Variants in CDH18 observed in about 807,000 individuals in gnomAD.
CDH18 encodes cadherin-18.
A neutral mutation model predicts 67.9 loss-of-function variants in CDH18; 31 were observed. The observed-to-expected ratio is 0.46, with a 90% CI of 0.34 to 0.62. CDH18 has a LOEUF of 0.62. CDH18 is among the 20% of genes least tolerant of loss of function. The pLI is 0.01. For synonymous variants in CDH18, 362 were observed against 347.2 expected, an observed-to-expected ratio of 1.04 and a Z score of -0.48; for missense variants, 890 against 975.5, an observed-to-expected ratio of 0.91 and a Z score of 1.17.
chr5:19,920,071 T>C (rs576913067), intron 2 of CDH18, among the ~76,000 whole-genome samples: 2 of 152,166 alleles, frequency 1.3e-5, no homozygotes, highest in East Asian at 3.9e-4. Context: ...CATGTTAAAG[T>C]AATAGCAGAC....
intron 5 of CDH18, among the ~76,000 whole-genome samples, chr5:19,691,669 C>T (rs987843232): frequency 2.6e-5 from 4 of 151,578 alleles, no homozygotes; most frequent in African/African-American, 2.4e-5. Flanking sequence ...TAAATTTAAC[C>T]AAAGAGGTGA....
intron 8 of CDH18, among the ~76,000 whole-genome samples, chr5:19,566,673 A>G (rs2149910855): frequency 6.6e-6 from 1 of 152,284 alleles, no homozygotes; most frequent in South Asian, 2.1e-4. Flanking sequence ...CCAGGTCCCT[A>G]TCACAACACG....
At chr5:20,514,426 G>A (rs1356896482) in intron 1 of CDH18, among the ~76,000 whole-genome samples, 3 of 152,098 alleles carry the variant, frequency 2.0e-5, no homozygotes, top group Non-Finnish European at 4.4e-5. Context: ...CCAATGTCAA[G>A]CTTGGTCGTC....
intron 5 of CDH18, among the ~76,000 whole-genome samples, chr5:19,638,678 T>C (rs1444558140): frequency 1.3e-5 from 2 of 151,680 alleles, no homozygotes; most frequent in Non-Finnish European, 2.9e-5. Context: ...AAAAAAATTA[T>C]CCAGCCATCC....
At chr5:20,456,431 C>T (rs890014966) in intron 1 of CDH18, among the ~76,000 whole-genome samples, 5 of 152,002 alleles carry the variant, frequency 3.3e-5, no homozygotes, top group African/African-American at 1.2e-4. Flanking sequence ...TATTTTCATG[C>T]TTTCCATGGC....
At chr5:20,478,436 G>C (rs1752579096) in intron 1 of CDH18, among the ~76,000 whole-genome samples, 2 of 152,164 alleles carry the variant, frequency 1.3e-5, no homozygotes, top group African/African-American at 4.8e-5. Context: ...GAGCCCTTGG[G>C]CCTTGAGTGA....
intron 2 of CDH18, among the ~76,000 whole-genome samples, chr5:19,864,766 G>A (rs554844390): frequency 6.6e-6 from 1 of 152,178 alleles, no homozygotes; most frequent in African/African-American, 2.4e-5. Context: ...TGTAATCCAA[G>A]CAGCATCTTT....
At chr5:20,115,270 CTTTTTTTTTTTT>C (rs753438800) in intron 2 of CDH18, among the ~76,000 whole-genome samples, 3 of 58,138 alleles carry the variant, frequency 5.2e-5, no homozygotes, top group Non-Finnish European at 8.5e-5. Flanking sequence ...AGGGCCTCAT[CTTTTTTTTTTTT>C]TTTTTTTTTT....
intron 3 of CDH18, among the ~76,000 whole-genome samples, chr5:19,824,204 C>T (rs1048072700): frequency 2.0e-5 from 3 of 152,222 alleles, no homozygotes; most frequent in East Asian, 3.9e-4. Context: ...AGATTAGAAG[C>T]TCATGTGTGC....
chr5:19,855,144 T>C (rs947538630), intron 2 of CDH18, among the ~76,000 whole-genome samples: 7 of 152,182 alleles, frequency 4.6e-5, no homozygotes, highest in African/African-American at 7.2e-5. Flanking sequence ...GTACCATTCA[T>C]TGAATCTCTG....
intron 2 of CDH18, among the ~76,000 whole-genome samples, chr5:20,166,735 T>C (rs2126632691): frequency 6.6e-6 from 1 of 152,262 alleles, no homozygotes; most frequent in South Asian, 2.1e-4. Flanking sequence ...AGTGGGTCTC[T>C]AAGGCTAGCT....
intron 3 of CDH18, among the ~76,000 whole-genome samples, chr5:19,792,324 G>A (rs1293930450): frequency 6.6e-6 from 1 of 152,130 alleles, no homozygotes; most frequent in Non-Finnish European, 1.5e-5. Context: ...GCTCCTGGTT[G>A]TTGAGCCTTC....
chr5:19,600,494 C>A lies in CDH18; in HGVS notation c.812-9250G>T, dbSNP rs351302. Among the ~76,000 whole-genome samples, 744 of 149,758 alleles carry A rather than the reference C, an allele frequency of 5.0e-3. 9 individuals carry two copies. Among genetic ancestry groups the A allele is most frequent in the African/African-American group, 0.017 (687 of 40,496 alleles). On this transcript the variant is annotated intron_variant, in intron 6 of 12. Transcript: ENST00000382275. ...TGCTTAGGGTCACTAAGGGTTGTCT[C>A]TCCTCACTCCTCTAAATTAAATTAT...
intron 5 of CDH18, among the ~76,000 whole-genome samples, chr5:19,636,428 C>T (rs1177773036): frequency 6.6e-6 from 1 of 151,850 alleles, no homozygotes; most frequent in Admixed American, 6.6e-5. Context: ...TTCAAATAAT[C>T]TTGTGGCTAA....
chr5:19,783,202 C>G (rs1498106), intron 3 of CDH18, among the ~76,000 whole-genome samples: 61,922 of 151,512 alleles, frequency 0.41, 12,923 homozygotes, highest in East Asian at 0.63. Context: ...TAACACGAGG[C>G]AAGATACAGC....
intron 2 of CDH18, among the ~76,000 whole-genome samples, chr5:20,166,142 T>C (rs539312589): frequency 6.6e-6 from 1 of 151,394 alleles, no homozygotes; most frequent in Non-Finnish European, 1.5e-5. Flanking sequence ...AACAAACAAA[T>C]AGAAAATAAA....
At chr5:20,080,177 G>A (rs1046819461) in intron 2 of CDH18, among the ~76,000 whole-genome samples, 1 of 152,026 alleles carries the variant, frequency 6.6e-6, no homozygotes, top group Non-Finnish European at 1.5e-5. Flanking sequence ...CCTCTATATT[G>A]TGGTCTTTAT....
chr5:19,643,277 G>T lies in CDH18; in HGVS notation c.644-30676C>A, dbSNP rs78182656. ...AGAAATTATGAAAAACAATATGAAG[G>T]TTTCTCAGACATGTAAAAATAGAAC... On this transcript the variant is annotated intron_variant, in intron 5 of 12. Coordinates refer to ENST00000382275, the MANE Select transcript of CDH18 (RefSeq NM_004934.5). Among the ~76,000 whole-genome samples the T allele has an allele frequency of 6.6e-3, 1,008 of 152,124 alleles. 9 individuals are homozygous for T. Among genetic ancestry groups the T allele is most frequent in the African/African-American group, 0.022 (924 of 41,520 alleles).
At chr5:20,371,109 G>T (rs1253022894) in intron 1 of CDH18, among the ~76,000 whole-genome samples, 34 of 151,836 alleles carry the variant, frequency 2.2e-4, no homozygotes, top group Non-Finnish European at 7.4e-5. Context: ...AAGAAGTAGT[G>T]ATTAGAAGCA....
Sources: allele counts gnomAD v4.1 joint callset (sites outside exome capture counted in the v4.1 genomes callset), GRCh38; gene constraint gnomAD v4.1.1; transcripts MANE v1.5; gene names NCBI Gene and HGNC (gene_info 2026-07-23, HGNC 2026-07-21).